The following PDE12 variants were observed in gnomAD, a reference collection of about 807,000 sequenced individuals.
The protein encoded by PDE12 is 2',5'-phosphodiesterase 12.
Under a neutral mutation model 45.4 loss-of-function variants are expected in PDE12, and 26 were observed. That is an observed-to-expected ratio of 0.57 (90% CI 0.42 to 0.79). PDE12 has a LOEUF of 0.79. Ranked by LOEUF, PDE12 falls within the 30% of genes least tolerant of loss-of-function variation. The probability of loss-of-function intolerance (pLI) is 0.00; values close to 1 mark genes in which losing one functional copy is unlikely to be tolerated. For synonymous variants in PDE12, 283 were observed against 323.9 expected (o/e 0.87, Z 1.36); for missense variants, 668 against 790.0 (o/e 0.85, Z 1.85).
chr3:57,606,742 A>G, the PDE12 span, among the ~76,000 whole-genome samples: 10 of 152,322 alleles, frequency 6.6e-5, no homozygotes, highest in East Asian at 1.7e-3. Context: ...AAGTGGTATA[A>G]TATCACTGAA....
chr3:57,631,085 T>G, the PDE12 span: 1 of 930,628 alleles, frequency 1.1e-6, no homozygotes, highest in Non-Finnish European at 1.7e-6. Context: ...GCCCTTTCAA[T>G]GGACAGCAAC....
chr3:57,633,864 C>T, the PDE12 span, among the ~76,000 whole-genome samples: 4 of 151,748 alleles, frequency 2.6e-5, no homozygotes, highest in South Asian at 6.2e-4. Context: ...GCACTCCAGC[C>T]TGGGCAACAA....
At chr3:57,613,094 C>T in the PDE12 span, among the ~76,000 whole-genome samples, 5 of 151,744 alleles carry the variant, frequency 3.3e-5, no homozygotes, top group African/African-American at 1.2e-4. Flanking sequence ...GATTTTCCTG[C>T]CTCAGCCTCC....
chr3:57,557,417 C>G lies in PDE12; in HGVS notation c.1038C>G (p.Val346=). 1 of 1,614,016 alleles carries G rather than the reference C, an allele frequency of 6.2e-7. No homozygotes were observed. The highest frequency in any genetic ancestry group is 8.5e-7 in the Non-Finnish European group (1 of 1,180,030). ...QKELTGYNAD[V]ICLQEVDRAV... ...AACTCACCGGCTACAACGCCGATGT[C>G]ATCTGTTTGCAGGAGGTTGACCGCG... Residue 346 remains valine (V), a synonymous_variant, in exon 1 of 3, where the codon GTC becomes GTG. Coordinates refer to ENST00000311180, the MANE Select transcript of PDE12 (RefSeq NM_177966.7).
rs1218488211 is a variant in PDE12, at chr3:57,560,583, C to T, written c.*579C>T. ...TCAGGTGATCCACCCACCTCGGCCT[C>T]CCAAAGTGTTGGGATTACAGGCGTG... On this transcript the variant is annotated 3_prime_UTR_variant, in exon 3 of 3. Coordinates refer to ENST00000311180, the MANE Select transcript of PDE12 (RefSeq NM_177966.7). 4 of 909,150 alleles carry T rather than the reference C, an allele frequency of 4.4e-6. No individual in the cohort carries two copies. Among genetic ancestry groups the T allele is most frequent in the Non-Finnish European group, 5.3e-6 (4 of 760,622 alleles). The allele number at this position is 909,150 out of a possible 1,614,324, so 56.3% of individuals were successfully genotyped here.
the PDE12 span, among the ~76,000 whole-genome samples, chr3:57,650,737 T>A: frequency 6.6e-6 from 1 of 151,240 alleles, no homozygotes; most frequent in Admixed American, 6.6e-5. Flanking sequence ...CATCCAAACC[T>A]GCATCAAAAG....
At chr3:57,625,761 T>A in the PDE12 span, 1 of 152,514 alleles carries the variant, frequency 6.6e-6, no homozygotes, top group Admixed American at 6.5e-5. Context: ...AGAGATAAAC[T>A]AGGTATGATA....
Position 57,559,639 on chromosome 3 carries a change from A to G in PDE12, c.1465A>G (p.Ile489Val), listed in dbSNP as rs2069706074. Residue 489 changes from isoleucine (I) to valine (V), a missense_variant, in exon 3 of 3, where the codon ATA becomes GTA. By Grantham distance (29) the Ile-to-Val change is conservative (BLOSUM62 3). This residue lies in a region of PDE12 where 580 missense variants were observed against 662.9 expected (regional missense o/e 0.87). Transcript: ENST00000311180. ...TGTTTCATGTGATCTGTATCCTGGC[A>G]TACCAGTTATATTTTGTGGGGACTT... Reference protein sequence around the residue: ...RHVSCDLYPGIPVIFCGDFNS... With the variant: ...RHVSCDLYPGVPVIFCGDFNS... 2 of 1,614,198 alleles carry G rather than the reference A, an allele frequency of 1.2e-6. No individual in the cohort carries two copies. Among genetic ancestry groups the G allele is most frequent in the East Asian group, 4.5e-5 (2 of 44,874 alleles).
chr3:57,575,153 C>T, the PDE12 span, among the ~76,000 whole-genome samples: 2,095 of 152,134 alleles, frequency 0.014, 49 homozygotes, highest in African/African-American at 0.048. Context: ...CCCAGCCCCC[C>T]ATCTCCACTT....
the PDE12 span, chr3:57,597,223 A>G: frequency 7.5e-7 from 1 of 1,339,902 alleles, no homozygotes; most frequent in Non-Finnish European, 1.1e-6. Context: ...TCCCAGGCAA[A>G]CTAAACGAGA....
the PDE12 span, among the ~76,000 whole-genome samples, chr3:57,593,043 A>G: frequency 6.6e-6 from 1 of 152,030 alleles, no homozygotes; most frequent in Non-Finnish European, 1.5e-5. Context: ...CATTCTCTAC[A>G]AAATAATTTA....
intron 1 of PDE12, 99 bp from the exon 2 acceptor site, chr3:57,559,211 A>G: frequency 1.1e-6 from 1 of 949,996 alleles, no homozygotes. Context: ...ACAGAGTGAG[A>G]CTGTCTCGAA....
chr3:57,579,415 G>A, the PDE12 span, among the ~76,000 whole-genome samples: 2 of 151,858 alleles, frequency 1.3e-5, no homozygotes, highest in East Asian at 3.9e-4. Flanking sequence ...AGCCTCCTGA[G>A]TAGCTGAGAT....
chr3:57,607,745 T>G, the PDE12 span, among the ~76,000 whole-genome samples: 1 of 152,124 alleles, frequency 6.6e-6, no homozygotes, highest in East Asian at 1.9e-4. Flanking sequence ...AAAGACCAAA[T>G]CTACGTCTGA....
the PDE12 span, among the ~76,000 whole-genome samples, chr3:57,581,007 TG>T: frequency 6.6e-6 from 1 of 152,196 alleles, no homozygotes; most frequent in Non-Finnish European, 1.5e-5. Flanking sequence ...ATTTTCTTCC[TG>T]GAACAGCCTA....
At chr3:57,650,845 C>T in the PDE12 span, among the ~76,000 whole-genome samples, 3 of 146,652 alleles carry the variant, frequency 2.0e-5, no homozygotes, top group South Asian at 2.2e-4. Flanking sequence ...AGTGCAATGG[C>T]GCGATCTTGG....
At chr3:57,635,910 A>T in the PDE12 span, among the ~76,000 whole-genome samples, 1 of 152,288 alleles carries the variant, frequency 6.6e-6, no homozygotes, top group Admixed American at 6.5e-5. Flanking sequence ...CTCAGTGTGA[A>T]GGCTATGAGG....
the PDE12 span, among the ~76,000 whole-genome samples, chr3:57,605,423 T>C: frequency 9.9e-5 from 15 of 152,100 alleles, no homozygotes; most frequent in Admixed American, 9.2e-4. Flanking sequence ...CAATGCCTGG[T>C]TCTATCAATC....
chr3:57,575,271 A>G, the PDE12 span, among the ~76,000 whole-genome samples: 13 of 151,156 alleles, frequency 8.6e-5, no homozygotes, highest in African/African-American at 2.7e-4. Flanking sequence ...AAGACTATCA[A>G]TAATCTTCTT....
Sources: gnomAD v4.1 joint callset for allele counts (sites outside exome capture counted in the v4.1 genomes callset) on GRCh38, gnomAD v4.1.1 for gene constraint, gnomAD v4.1.1 regional missense constraint, MANE v1.5 for transcripts, NCBI Gene and HGNC (gene_info 2026-07-23, HGNC 2026-07-21) for gene names.